PSEN1: variants seen among roughly 807,000 people sequenced by gnomAD.
PSEN1 encodes presenilin-1.
Under a neutral mutation model 53.5 loss-of-function variants are expected in PSEN1, and 15 were observed. That is an observed-to-expected ratio of 0.28 (90% CI 0.19 to 0.43). PSEN1 has a LOEUF of 0.43. Among genes scored for constraint, PSEN1 ranks in the 20% least tolerant of loss-of-function variants. PSEN1 has a pLI of 1.00. For synonymous variants in PSEN1, 208 were observed against 209.8 expected, an observed-to-expected ratio of 0.99 and a Z score of 0.08; for missense variants, 387 against 571.2, an observed-to-expected ratio of 0.68 and a Z score of 3.29.
chr14:73,184,746 ACC>A (rs756405565), intron 5 of PSEN1, among the ~76,000 whole-genome samples: 45 of 75,476 alleles, frequency 6.0e-4, no homozygotes, highest in Non-Finnish European at 2.4e-4. Context: ...CGGGGGGCTG[ACC>A]CCCCCCACCT....
intron 1 of PSEN1, among the ~76,000 whole-genome samples, chr14:73,142,359 C>T (rs955036695): frequency 6.6e-6 from 1 of 152,182 alleles, no homozygotes; most frequent in African/African-American, 2.4e-5. Context: ...ATACTTGTAG[C>T]AGTTTTCTCA....
chr14:73,156,895 C>T (rs1465064434), intron 3 of PSEN1, among the ~76,000 whole-genome samples: 1 of 152,066 alleles, frequency 6.6e-6, no homozygotes, highest in African/African-American at 2.4e-5. Flanking sequence ...ATCTCCTGAC[C>T]TTGTGATCCG....
intron 8 of PSEN1, among the ~76,000 whole-genome samples, chr14:73,202,419 TATATATATATATATA>T (rs1566648091): frequency 0.045 from 925 of 20,582 alleles, 40 homozygotes; most frequent in African/African-American, 0.13. Context: ...TATCACATAC[TATATATATATATATA>T]TATATATATA....
intron 1 of PSEN1, among the ~76,000 whole-genome samples, chr14:73,145,462 G>T (rs978105856): frequency 1.3e-5 from 2 of 151,816 alleles, no homozygotes; most frequent in African/African-American, 4.8e-5. Context: ...AGCCTCCTGA[G>T]TAGCTGGAAC....
rs200525059 is a variant in PSEN1, at chr14:73,217,230, G to A, written c.1234G>A (p.Val412Ile). ...GDWNTTIACF[V>I]AILIGLCLTL... ...CTGGAACACAACCATAGCCTGTTTC[G>A]TAGCCATATTAATTGTAAGTATACA... The change falls in exon 11 of 12, where the codon GTA becomes ATA. Residue 412 changes from valine (V) to isoleucine (I), a missense_variant. Val to Ile is a conservative substitution (Grantham distance 29, BLOSUM62 3). Transcript: ENST00000324501. The A allele has an allele frequency of 1.4e-5, 23 of 1,613,504 alleles. No individual in the cohort carries two copies. The highest frequency in any genetic ancestry group is 6.7e-5 in the African/African-American group (5 of 74,908).
At chr14:73,165,769 A>G (rs1897693448) in intron 3 of PSEN1, among the ~76,000 whole-genome samples, 1 of 132,494 alleles carries the variant, frequency 7.5e-6, no homozygotes, top group Non-Finnish European at 1.6e-5. Flanking sequence ...AAAAAAAGGT[A>G]GTGTGTGGCC....
chr14:73,205,807 A>G (rs530381844), intron 8 of PSEN1, among the ~76,000 whole-genome samples: 5 of 152,220 alleles, frequency 3.3e-5, no homozygotes, highest in Non-Finnish European at 5.9e-5. Context: ...ACATGTGTAT[A>G]TCTAGATCTA....
intron 3 of PSEN1, among the ~76,000 whole-genome samples, chr14:73,148,787 G>A (rs1566617909): frequency 6.6e-6 from 1 of 152,108 alleles, no homozygotes; most frequent in Admixed American, 6.6e-5. Flanking sequence ...ACAAAAATTA[G>A]CCGGGCTTGG....
chr14:73,160,790 T>C (rs1479232896), intron 3 of PSEN1, among the ~76,000 whole-genome samples: 1 of 149,348 alleles, frequency 6.7e-6, no homozygotes, highest in Non-Finnish European at 1.5e-5. Context: ...TTTCCAATTG[T>C]TTAATTGTAG....
At position 73,190,281 on chromosome 14, in the gene PSEN1, G is replaced by T. The variant is rs149457419; in HGVS notation, c.549-2363G>T. ...GGTGGGAGGATCCTTTGAGCCCAGGGGTTCTAGACCATCCTGGGCAACATG... is the reference window on the plus strand; with the variant it reads ...GGTGGGAGGATCCTTTGAGCCCAGGTGTTCTAGACCATCCTGGGCAACATG... On this transcript the variant is annotated intron_variant, in intron 6 of 11. Transcript: ENST00000324501. Among the ~76,000 whole-genome samples the T allele has an allele frequency of 5.9e-5, 9 of 151,648 alleles. No homozygotes were observed. The East Asian group carries it at 1.8e-3, about 30-fold the overall frequency.
intron 3 of PSEN1, 115 bp downstream of exon 3, chr14:73,148,221 A>G (rs757882529): frequency 5.8e-5 from 48 of 829,270 alleles, no homozygotes; most frequent in Middle Eastern, 2.8e-4. Context: ...TACCACATTT[A>G]TAATATATTT....
intron 1 of PSEN1, among the ~76,000 whole-genome samples, chr14:73,137,810 G>A (rs928038713): frequency 1.3e-5 from 2 of 152,224 alleles, no homozygotes; most frequent in African/African-American, 4.8e-5. Context: ...GAGGCCCGGG[G>A]CGGTGGCTCA....
chr14:73,153,456 T>G (rs181981078), intron 3 of PSEN1, among the ~76,000 whole-genome samples: 1 of 152,326 alleles, frequency 6.6e-6, no homozygotes, highest in African/African-American at 2.4e-5. Context: ...AACCTCTGAC[T>G]CCAGGGAATC....
At chr14:73,197,786 G>A (rs1328443496) in intron 7 of PSEN1, 1 of 506,712 alleles carries the variant, frequency 2.0e-6, no homozygotes, top group Non-Finnish European at 3.6e-6. Flanking sequence ...TGTACACTAA[G>A]CAAATAGCAG....
intron 1 of PSEN1, chr14:73,146,040 G>GAGGT: frequency 6.6e-6 from 1 of 152,268 alleles, no homozygotes; most frequent in East Asian, 1.9e-4. Flanking sequence ...CCAGGAGTTA[G>GAGGT]AGGTTCCAGT....
chr14:73,197,502 G>T (rs563912898), intron 7 of PSEN1, among the ~76,000 whole-genome samples: 5 of 152,252 alleles, frequency 3.3e-5, no homozygotes, highest in South Asian at 2.1e-4. Flanking sequence ...CTTCTCAGTA[G>T]TACGTAATAC....
At chr14:73,197,378 A>G (rs553723699) in intron 7 of PSEN1, among the ~76,000 whole-genome samples, 4 of 152,308 alleles carry the variant, frequency 2.6e-5, no homozygotes, top group African/African-American at 7.2e-5. Flanking sequence ...CACCACATAC[A>G]TATGTTCTGA....
At chr14:73,195,713 TC>T in intron 7 of PSEN1, among the ~76,000 whole-genome samples, 1 of 152,038 alleles carries the variant, frequency 6.6e-6, no homozygotes, top group Non-Finnish European at 1.5e-5. Context: ...TGTCTCAGCC[TC>T]CCGAGTAGAT....
At position 73,136,509 on chromosome 14, in the gene PSEN1, A is replaced by T. The variant is rs2140481494; in HGVS notation, c.-210A>T. 1 of 153,022 alleles carries T rather than the reference A, an allele frequency of 6.5e-6. No homozygotes were observed. Among genetic ancestry groups the T allele is most frequent in the Non-Finnish European group, 1.5e-5 (1 of 68,252 alleles). 9.5% of individuals were successfully genotyped at this position (153,022 alleles called of 1,614,324 possible). On this transcript the variant is annotated 5_prime_UTR_variant, in exon 1 of 12. Transcript: ENST00000324501. ...TCCGGGGTCCGCGGTTTCACATCGG[A>T]AACAAAACAGCGGCTGGTCTGGAAG...
Sources: gnomAD v4.1 joint callset for allele counts (sites outside exome capture counted in the v4.1 genomes callset) on GRCh38, gnomAD v4.1.1 for gene constraint, MANE v1.5 for transcripts, NCBI Gene and HGNC (gene_info 2026-07-23, HGNC 2026-07-21) for gene names.